The following LSM12 variants were observed in gnomAD, a reference collection of about 807,000 sequenced individuals.
LSM12 encodes the protein LSM12 homolog, also known as protein LSM12.
For synonymous variants in LSM12, 74 were observed against 87.3 expected, an observed-to-expected ratio of 0.85 and a Z score of 0.85; for missense variants, 108 against 238.9, an observed-to-expected ratio of 0.45 and a Z score of 3.61.
At chr17:44,054,398 AC>A (rs1281259288) in intron 2 of LSM12, among the ~76,000 whole-genome samples, 2 of 152,012 alleles carry the variant, frequency 1.3e-5, no homozygotes, top group Non-Finnish European at 2.9e-5. Flanking sequence ...TGCAGCCTTG[AC>A]CTTCCCAGGT....
intron 1 of LSM12, 87 bp downstream of exon 1, chr17:44,066,377 A>G (rs907050165): frequency 1.5e-5 from 22 of 1,471,404 alleles, no homozygotes; most frequent in Non-Finnish European, 2.0e-5. Context: ...GCCCGGAGAG[A>G]GCCCCAGCCG....
chr17:44,061,295 C>T (rs1597897856), intron 2 of LSM12, among the ~76,000 whole-genome samples: 1 of 119,086 alleles, frequency 8.4e-6, no homozygotes, highest in South Asian at 2.8e-4. Flanking sequence ...CCAGCCTGGG[C>T]AACAAGAGCG....
intron 2 of LSM12, among the ~76,000 whole-genome samples, chr17:44,045,936 CTTTTTT>C (rs67446547): frequency 4.2e-4 from 52 of 122,584 alleles, no homozygotes; most frequent in African/African-American, 1.5e-3. Flanking sequence ...AAATATTTTA[CTTTTTT>C]TTTTTTTTTT....
At chr17:44,060,275 C>G (rs144167576) in intron 2 of LSM12, among the ~76,000 whole-genome samples, 1 of 152,300 alleles carries the variant, frequency 6.6e-6, no homozygotes, top group African/African-American at 2.4e-5. Flanking sequence ...TACATTAGTT[C>G]CCTTCCATAT....
At position 44,066,560 on chromosome 17, in the gene LSM12, T is replaced by G; in HGVS notation, c.28A>C (p.Ser10Arg). 1 of 1,496,740 alleles carries G rather than the reference T, an allele frequency of 6.7e-7. No individual in the cohort carries two copies. The highest frequency in any genetic ancestry group is 8.9e-7 in the Non-Finnish European group (1 of 1,122,308). The allele number at this position is 1,496,740 out of a possible 1,614,324, so 92.7% of individuals were successfully genotyped here. MAAPPGEYF[S>R]VGSQVSCRTC... ...CGGCACGACACCTGGCTCCCAACGC[T>G]GAAGTACTCGCCCGGAGGAGCCGCC... Residue 10 changes from serine (S) to arginine (R), a missense_variant, in exon 1 of 5, where the codon AGC becomes CGC. By Grantham distance (110) the Ser-to-Arg change is moderately radical. Transcript: ENST00000293406.
chr17:44,050,005 G>A (rs975579551), intron 2 of LSM12, among the ~76,000 whole-genome samples: 3 of 152,214 alleles, frequency 2.0e-5, no homozygotes, highest in African/African-American at 7.2e-5. Context: ...TCAAGGGATG[G>A]CAGACCAGAG....
chr17:44,047,861 G>C (rs1365466604), intron 2 of LSM12, among the ~76,000 whole-genome samples: 2 of 151,708 alleles, frequency 1.3e-5, no homozygotes, highest in African/African-American at 4.8e-5. Context: ...GGAATTACAA[G>C]CATAAACCAC....
chr17:44,064,968 C>G (rs1040207543), intron 1 of LSM12, among the ~76,000 whole-genome samples: 2 of 150,734 alleles, frequency 1.3e-5, no homozygotes, highest in Admixed American at 6.6e-5. Context: ...CCCGTCTCTA[C>G]TAAAAATACA....
intron 2 of LSM12, among the ~76,000 whole-genome samples, chr17:44,055,696 A>G (rs903444017): frequency 6.9e-6 from 1 of 144,834 alleles, no homozygotes; most frequent in Non-Finnish European, 1.5e-5. Flanking sequence ...TATAAAATAT[A>G]TATATATAAT....
At chr17:44,044,370 A>G (rs556466542) in intron 2 of LSM12, among the ~76,000 whole-genome samples, 2 of 151,474 alleles carry the variant, frequency 1.3e-5, no homozygotes, top group South Asian at 4.2e-4. Context: ...CCAGTTGTGC[A>G]AGTGCAATCT....
At chr17:44,061,740 A>G (rs758870596) in intron 2 of LSM12, among the ~76,000 whole-genome samples, 1 of 152,214 alleles carries the variant, frequency 6.6e-6, no homozygotes, top group Non-Finnish European at 1.5e-5. Flanking sequence ...TCTAGAGGGA[A>G]AAACTTCCAC....
At chr17:44,051,447 T>C (rs765174472) in intron 2 of LSM12, among the ~76,000 whole-genome samples, 17 of 149,002 alleles carry the variant, frequency 1.1e-4, no homozygotes, top group Non-Finnish European at 1.9e-4. Flanking sequence ...ACTCCTGTGG[T>C]CCCAGCTTCT....
intron 1 of LSM12, among the ~76,000 whole-genome samples, chr17:44,064,641 G>C (rs2049845411): frequency 6.6e-6 from 1 of 150,764 alleles, no homozygotes; most frequent in African/African-American, 2.4e-5. Flanking sequence ...CCTGAGGCAG[G>C]AGAATCACTT....
chr17:44,041,702 A>ACC (rs2049497102), intron 2 of LSM12, among the ~76,000 whole-genome samples: 1 of 152,162 alleles, frequency 6.6e-6, no homozygotes, highest in Non-Finnish European at 1.5e-5. Context: ...CGTAACTTCT[A>ACC]CCCTGTCAAT....
intron 2 of LSM12, among the ~76,000 whole-genome samples, chr17:44,046,653 G>A (rs2144084470): frequency 6.9e-6 from 1 of 144,022 alleles, no homozygotes; most frequent in South Asian, 2.3e-4. Flanking sequence ...CTTGCAGTGA[G>A]CTGAGATTAA....
intron 2 of LSM12, among the ~76,000 whole-genome samples, chr17:44,045,935 ACT>A (rs1491501471): frequency 2.2e-5 from 2 of 89,618 alleles, no homozygotes; most frequent in African/African-American, 8.5e-5. Flanking sequence ...AAAATATTTT[ACT>A]TTTTTTTTTT....
In LSM12 at chr17:44,066,642, G is replaced by C. The variant is rs940312020; in HGVS notation, c.-55C>G. On this transcript the variant is annotated 5_prime_UTR_variant, in exon 1 of 5. Transcript: ENST00000293406. ...CGGCGGCAGCAGCGGGCGAAAGCCG[G>C]GCCCCCAGTGAGCGCCGCGACGCGA... 9 of 1,286,292 alleles carry C rather than the reference G, an allele frequency of 7.0e-6. No homozygotes were observed. Among genetic ancestry groups the C allele is most frequent in the Admixed American group, 4.3e-5 (1 of 23,378 alleles). 79.7% of individuals were successfully genotyped at this position (1,286,292 alleles called of 1,614,324 possible).
At position 44,043,509 on chromosome 17, in the gene LSM12, T is replaced by A. The variant is rs1414726666; in HGVS notation, c.259-3253A>T. On this transcript the variant is annotated intron_variant, in intron 2 of 4. Coordinates refer to ENST00000293406, the MANE Select transcript of LSM12 (RefSeq NM_001371445.1). ...TTAAGCAGCAACAAGCAACGCTTACTCAAGCACCAAAAAAACCCCGGTAAC... is the reference window on the plus strand; with the variant it reads ...TTAAGCAGCAACAAGCAACGCTTACACAAGCACCAAAAAAACCCCGGTAAC... Among the ~76,000 whole-genome samples the A allele has an allele frequency of 2.0e-5, 3 of 150,618 alleles. 1 individual carries two copies. Among genetic ancestry groups the A allele is most frequent in the African/African-American group, 7.3e-5 (3 of 40,988 alleles).
At chr17:44,054,782 A>C (rs1249779772) in intron 2 of LSM12, among the ~76,000 whole-genome samples, 1 of 151,820 alleles carries the variant, frequency 6.6e-6, no homozygotes, top group Non-Finnish European at 1.5e-5. Flanking sequence ...GCCAGGTGCA[A>C]GTTTTACCCA....
Sources: allele counts gnomAD v4.1 joint callset (sites outside exome capture counted in the v4.1 genomes callset), GRCh38; gene constraint gnomAD v4.1.1; transcripts MANE v1.5; gene names NCBI Gene and HGNC (gene_info 2026-07-23, HGNC 2026-07-21).